Variants in CSMD2 observed in about 807,000 individuals in gnomAD.
The protein encoded by CSMD2 is CUB and sushi domain-containing protein 2.
A neutral mutation model predicts 398.5 loss-of-function variants in CSMD2; 130 were observed. That is an observed-to-expected ratio of 0.33 (90% confidence interval 0.28 to 0.38). The LOEUF (loss-of-function observed/expected upper bound fraction) is 0.38, where lower values mean the gene tolerates loss of function less well. Among genes scored for constraint, CSMD2 ranks in the 10% least tolerant of loss-of-function variants. The pLI is 1.00. For missense variants in CSMD2, 3,829 were observed against 4,764.9 expected (o/e 0.80, Z 5.78); for synonymous variants, 1,828 against 1,908.5 (o/e 0.96, Z 1.10).
At chr1:33,890,379 T>C (rs6425856) in intron 5 of CSMD2, among the ~76,000 whole-genome samples, 122,364 of 151,484 alleles carry the variant, frequency 0.81, 50,154 homozygotes, top group African/African-American at 0.94. Flanking sequence ...TAAAGGCGTC[T>C]GCCACCACGC....
chr1:34,141,623 G>A (rs1056126431), intron 1 of CSMD2, among the ~76,000 whole-genome samples: 29 of 152,182 alleles, frequency 1.9e-4, no homozygotes, highest in African/African-American at 6.3e-4. Flanking sequence ...GCCACTGGCC[G>A]GAGCAGAGTA....
In CSMD2 at chr1:33,569,517, G is replaced by T. The variant is rs777939906; in HGVS notation, c.7988C>A (p.Pro2663His). Residue 2663 changes from proline (P) to histidine (H), a missense_variant, in exon 52 of 71, where the codon CCC becomes CAC. Transcript: ENST00000373381. ...IISCGELPIP[P>H]NGHRIGTLSV... Reference sequence around the variant, plus strand: ...CAGTGTTCCGATGCGGTGGCCATTGGGGGGAATCGGGAGCTCTCCACAGGA... The same window carrying T: ...CAGTGTTCCGATGCGGTGGCCATTGTGGGGAATCGGGAGCTCTCCACAGGA... The T allele has an allele frequency of 1.4e-5, 23 of 1,614,144 alleles. No individual in the cohort carries two copies. Among genetic ancestry groups the T allele is most frequent in the Non-Finnish European group, 1.8e-5 (21 of 1,180,008 alleles).
At position 33,698,788 on chromosome 1, in the gene CSMD2, C is replaced by T. The variant is rs202038649; in HGVS notation, c.3890G>A (p.Arg1297His). 8.7e-6 allele frequency: 14 copies of T among 1,613,818 alleles called. No individual in the cohort carries two copies. Among genetic ancestry groups the T allele is most frequent in the South Asian group, 2.2e-5 (2 of 91,010 alleles). The change falls in exon 24 of 71, where the codon CGC becomes CAC. Residue 1297 changes from arginine (R) to histidine (H), a missense_variant. This residue lies in a region of CSMD2 where 2,001 missense variants were observed against 2,567.1 expected (regional missense o/e 0.78). Coordinates refer to ENST00000373381, the MANE Select transcript of CSMD2 (RefSeq NM_001281956.2). ...GGGCAGAGGCCGGTCCCAGGTCCGG[C>T]GCTCTCCACTCAGACACAGCAGCTC... Reference protein sequence around the residue: ...SEELLCLSGERRTWDRPLPTC... With the variant: ...SEELLCLSGEHRTWDRPLPTC...
chr1:33,769,657 T>C (rs10914775), intron 13 of CSMD2, among the ~76,000 whole-genome samples: 5,738 of 152,194 alleles, frequency 0.038, 143 homozygotes, highest in African/African-American at 0.068. Flanking sequence ...AGTGTATTTG[T>C]GTATTCTTGG....
intron 3 of CSMD2, among the ~76,000 whole-genome samples, chr1:33,995,041 C>T (rs375382583): frequency 3.4e-5 from 5 of 147,652 alleles, no homozygotes; most frequent in Non-Finnish European, 7.4e-5. Context: ...TCCAGCCTGG[C>T]GACAGAGCAA....
intron 5 of CSMD2, among the ~76,000 whole-genome samples, chr1:33,847,921 C>T (rs768255548): frequency 3.3e-5 from 5 of 152,170 alleles, no homozygotes; most frequent in Non-Finnish European, 7.3e-5. Context: ...CTGTCAGTAA[C>T]GGCAGCTGCT....
rs114323242 is a variant in CSMD2, at chr1:33,597,572, A to C, written c.6856+3293T>G. 5.2e-3 allele frequency among the ~76,000 whole-genome samples: 791 copies of C among 152,334 alleles called. 12 individuals carry two copies. The highest frequency in any genetic ancestry group is 0.018 in the African/African-American group (763 of 41,574). ...AAATGCCATCTCATGCACCTACCAG[A>C]CTGGTAGAAATGTAAAGTCTGCTAA... On this transcript the variant is annotated intron_variant, in intron 44 of 70. Transcript: ENST00000373381.
At chr1:33,717,243 C>CTA (rs969077478) in intron 19 of CSMD2, among the ~76,000 whole-genome samples, 3 of 152,174 alleles carry the variant, frequency 2.0e-5, no homozygotes, top group Admixed American at 6.5e-5. Context: ...AGAAGCCATC[C>CTA]TATCCAGAGT....
At chr1:34,062,684 G>A (rs1654649918) in intron 2 of CSMD2, among the ~76,000 whole-genome samples, 1 of 152,318 alleles carries the variant, frequency 6.6e-6, no homozygotes, top group East Asian at 1.9e-4. Flanking sequence ...GCTGAACCTG[G>A]CTCTTCTTTG....
At chr1:34,005,763 T>C (rs1408851871) in intron 3 of CSMD2, among the ~76,000 whole-genome samples, 1 of 152,228 alleles carries the variant, frequency 6.6e-6, no homozygotes, top group African/African-American at 2.4e-5. Context: ...CTTTCTTCCA[T>C]GGATGGCTCC....
At position 33,527,273 on chromosome 1, in the gene CSMD2, G is replaced by A; in HGVS notation, c.10172-15C>T. 4 of 1,608,480 alleles carry A rather than the reference G, an allele frequency of 2.5e-6. No homozygotes were observed. The highest frequency in any genetic ancestry group is 3.4e-6 in the Non-Finnish European group (4 of 1,176,358). On this transcript the variant is annotated splice_polypyrimidine_tract_variant and intron_variant, in intron 64 of 70. Coordinates refer to ENST00000373381, the MANE Select transcript of CSMD2 (RefSeq NM_001281956.2). ...GGGCCGGACCTCTGCTGGGGAAAAA[G>A]AGTGGAAGAAAACAGGTTCAGCTTC...
rs867931948 is a variant in CSMD2, at chr1:33,835,714, C to A, written c.1034-9940G>T. On this transcript the variant is annotated intron_variant, in intron 6 of 70. Transcript: ENST00000373381. ...AAAAAAAACAAACAAAAATACATTT[C>A]AAAAAAAAAAAGGACTTCTCTGCAT... is the stretch of plus-strand genomic sequence containing the variant. 2.5e-4 allele frequency among the ~76,000 whole-genome samples: 34 copies of A among 135,128 alleles called. 1 individual carries two copies. The highest frequency in any genetic ancestry group is 3.9e-3 in the Middle Eastern group (1 of 258). The allele number at this position is 135,128 out of a possible 152,430, so 88.6% of individuals were successfully genotyped here. A position where few individuals can be genotyped will look rare whatever the true frequency, so the allele number is the denominator to read the frequency against.
At chr1:34,102,712 T>C (rs780450751) in intron 1 of CSMD2, among the ~76,000 whole-genome samples, 1 of 143,808 alleles carries the variant, frequency 7.0e-6, no homozygotes, top group Non-Finnish European at 1.5e-5. Flanking sequence ...GACCTTTGCA[T>C]TTGCCAAGAC....
At position 33,624,688 on chromosome 1, in the gene CSMD2, G is replaced by C; in HGVS notation, c.5501-45C>G. The stretch of plus-strand genomic sequence containing the variant: ...GGTCAGAGGCTTTGTGGCCTCCCGT[G>C]GGAGCCTTCCCAAGCTGACTCCTCC... On this transcript the variant is annotated intron_variant, in intron 34 of 70. Transcript: ENST00000373381. The surrounding 1 kb of genome is among the most constrained non-coding windows in gnomAD (Gnocchi z 4.7). 1.3e-6 allele frequency: 2 copies of C among 1,588,790 alleles called. No individual in the cohort carries two copies. Among genetic ancestry groups the C allele is most frequent in the South Asian group, 1.1e-5 (1 of 89,482 alleles).
In CSMD2 at chr1:33,662,871, G is replaced by T; in HGVS notation, c.4255+19C>A. The T allele has an allele frequency of 6.2e-7, 1 of 1,612,004 alleles. No individual in the cohort carries two copies. The highest frequency in any genetic ancestry group is 8.5e-7 in the Non-Finnish European group (1 of 1,178,206). On this transcript the variant is annotated intron_variant, in intron 26 of 70. Coordinates refer to ENST00000373381, the MANE Select transcript of CSMD2 (RefSeq NM_001281956.2). ...TGTCAGGACATGTGGAGTGGGGCTG[G>T]CAGAGGGCACGCACAGACCTGAAAA...
intron 5 of CSMD2, chr1:33,885,258 A>G (rs937503098): frequency 2.0e-5 from 3 of 152,108 alleles, no homozygotes; most frequent in East Asian, 3.9e-4. Context: ...ACCTATTTCC[A>G]GTGGCCTATG....
Position 33,572,615 on chromosome 1 carries a change from G to A in CSMD2, c.7653C>T (p.Ala2551=), listed in dbSNP as rs766502125. 1.7e-5 allele frequency: 28 copies of A among 1,613,976 alleles called. No individual in the cohort carries two copies. The highest frequency in any genetic ancestry group is 1.6e-4 in the Middle Eastern group (1 of 6,062). ...FGKEYTVGTK[A]MYSCSEGYHL... ...GGTAGCCTTCACTGCAGCTGTACAT[G>A]GCCTTGGTTCCCACTGTGTACTCCT... Residue 2551 remains alanine (A), a synonymous_variant, in exon 50 of 71, where the codon GCC becomes GCT. Coordinates refer to ENST00000373381, the MANE Select transcript of CSMD2 (RefSeq NM_001281956.2).
rs1644258273 is a variant in CSMD2 at position 33,664,850 on chromosome 1, T to A, written c.4053-1758A>T. On this transcript the variant is annotated intron_variant, in intron 25 of 70. Coordinates refer to ENST00000373381, the MANE Select transcript of CSMD2 (RefSeq NM_001281956.2). The stretch of plus-strand genomic sequence containing the variant: ...AAAAAGAAAATAAAATAAATAAAAA[T>A]TTTAAAATAAATCTTGCTAAATTAT... Among the ~76,000 whole-genome samples, 3 of 152,094 alleles carry A rather than the reference T, an allele frequency of 2.0e-5. No individual in the cohort carries two copies. In the South Asian group the frequency reaches 6.2e-4, roughly 32 times the overall value.
intron 62 of CSMD2, among the ~76,000 whole-genome samples, chr1:33,535,542 A>G (rs1010672944): frequency 4.6e-5 from 7 of 152,104 alleles, no homozygotes; most frequent in African/African-American, 7.2e-5. Flanking sequence ...CTATACCCAC[A>G]AATTTCCTGT....
Sources: gnomAD v4.1 joint callset for allele counts (sites outside exome capture counted in the v4.1 genomes callset) on GRCh38, gnomAD v4.1.1 for gene constraint, gnomAD v4.1.1 regional missense constraint, Gnocchi (gnomAD v3.1) non-coding constraint, MANE v1.5 for transcripts, NCBI Gene and HGNC (gene_info 2026-07-23, HGNC 2026-07-21) for gene names.